The following NT5M variants were observed in gnomAD, a reference collection of about 807,000 sequenced individuals.
NT5M encodes 5'(3')-deoxyribonucleotidase, mitochondrial.
Under a neutral mutation model 22.2 loss-of-function variants are expected in NT5M, and 22 were observed. The ratio of observed to expected loss-of-function variants is 0.99; its 90% confidence interval spans 0.71 to 1.41. The LOEUF is 1.41. Ranked by LOEUF, NT5M falls within the 40% of genes most tolerant of loss-of-function variation. NT5M has a pLI of 0.00. For missense variants in NT5M, 322 were observed against 314.8 expected (o/e 1.02, Z -0.17); for synonymous variants, 167 against 133.0 (o/e 1.26, Z -1.76).
chr17:17,323,156 A>C (rs1225998294), intron 2 of NT5M, 29 bp from the exon 3 acceptor site: 1 of 1,607,484 alleles, frequency 6.2e-7, no homozygotes, highest in Admixed American at 1.7e-5. Context: ...ATGGGGCTGC[A>C]GGCTCAACCT....
intron 1 of NT5M, among the ~76,000 whole-genome samples, chr17:17,305,394 G>GCCCCCCCCCCCCCCCCCCCCCC (rs34579357): frequency 6.7e-5 from 5 of 74,098 alleles, no homozygotes; most frequent in Admixed American, 1.5e-4. Flanking sequence ...TAAAACAACC[G>GCCCCCCCCCCCCCCCCCCCCCC]CCCCCCCCCC....
rs577641355 is a variant in NT5M at position 17,340,777 on chromosome 17, G to A, written c.430-4017G>A. Reference sequence around the variant, plus strand: ...CCTGACCTTGTGATCTGCCCGCCTTGGCCTCTCAAAGTGCTGGGATTACAG... The same window carrying A: ...CCTGACCTTGTGATCTGCCCGCCTTAGCCTCTCAAAGTGCTGGGATTACAG... On this transcript the variant is annotated intron_variant, in intron 3 of 4. Coordinates refer to ENST00000389022, the MANE Select transcript of NT5M (RefSeq NM_020201.4). Among the ~76,000 whole-genome samples the A allele has an allele frequency of 2.0e-5, 3 of 152,150 alleles. 1 individual carries two copies. Among genetic ancestry groups the A allele is most frequent in the Admixed American group, 6.5e-5 (1 of 15,296 alleles).
chr17:17,342,752 C>T (rs1251487513), intron 3 of NT5M, among the ~76,000 whole-genome samples: 3 of 152,128 alleles, frequency 2.0e-5, no homozygotes, highest in East Asian at 1.9e-4. Flanking sequence ...GAGAAGATGC[C>T]GCCTTTGCAG....
intron 2 of NT5M, among the ~76,000 whole-genome samples, chr17:17,313,565 C>T (rs1597751966): frequency 1.3e-5 from 2 of 152,300 alleles, no homozygotes; most frequent in African/African-American, 4.8e-5. Flanking sequence ...GCAGCAGAGA[C>T]CAAGGCTGAT....
At chr17:17,306,720 C>A in intron 2 of NT5M, 77 bp downstream of exon 2, 1 of 965,772 alleles carries the variant, frequency 1.0e-6, no homozygotes. Flanking sequence ...CTGCTTCTTC[C>A]CTCCTCTGCC....
At chr17:17,322,818 T>G (rs2049178739) in intron 2 of NT5M, among the ~76,000 whole-genome samples, 1 of 152,236 alleles carries the variant, frequency 6.6e-6, no homozygotes, top group South Asian at 2.1e-4. Context: ...ACTCGATCAC[T>G]GCAGGGCTTA....
chr17:17,307,128 G>A (rs1041138048), intron 2 of NT5M, among the ~76,000 whole-genome samples: 5 of 152,104 alleles, frequency 3.3e-5, no homozygotes, highest in African/African-American at 1.2e-4. Flanking sequence ...AACCCGGGAG[G>A]TGGAGGTTGT....
chr17:17,341,831 C>T (rs897418914), intron 3 of NT5M, among the ~76,000 whole-genome samples: 1 of 152,168 alleles, frequency 6.6e-6, no homozygotes, highest in African/African-American at 2.4e-5. Flanking sequence ...GAGTTTGAGA[C>T]CAGCCTGGCC....
chr17:17,312,574 G>A (rs149465392), intron 2 of NT5M, among the ~76,000 whole-genome samples: 2,784 of 150,630 alleles, frequency 0.018, 74 homozygotes, highest in African/African-American at 0.064. Flanking sequence ...CACCTGGGAG[G>A]TGGAGGCTGC....
chr17:17,303,887 C>G (rs7219752), intron 1 of NT5M, 70 bp downstream of exon 1: 73,033 of 1,309,618 alleles, frequency 0.056, 3,284 homozygotes, highest in African/African-American at 0.22. Flanking sequence ...GCCCCTGCGC[C>G]GGTGACCTTG....
chr17:17,338,653 TG>T (rs2049568454), intron 3 of NT5M, among the ~76,000 whole-genome samples: 1 of 151,824 alleles, frequency 6.6e-6, no homozygotes, highest in African/African-American at 2.4e-5. Context: ...CTGGAATTTT[TG>T]TGGTTCTATG....
At chr17:17,339,526 A>G (rs2049594873) in intron 3 of NT5M, among the ~76,000 whole-genome samples, 1 of 152,154 alleles carries the variant, frequency 6.6e-6, no homozygotes, top group South Asian at 2.1e-4. Context: ...ACAGTGGTGA[A>G]AGTAGGCATT....
intron 3 of NT5M, among the ~76,000 whole-genome samples, chr17:17,342,059 A>G (rs909971197): frequency 9.2e-5 from 14 of 152,162 alleles, no homozygotes; most frequent in African/African-American, 1.4e-4. Context: ...TTAACCCCAA[A>G]TGGGTTAAAT....
At chr17:17,333,363 G>T (rs2049427781) in intron 3 of NT5M, 1 of 152,074 alleles carries the variant, frequency 6.6e-6, no homozygotes, top group Non-Finnish European at 1.5e-5. Flanking sequence ...AAGTACAGTG[G>T]CATGATCCCG....
chr17:17,320,669 C>T (rs996514871), intron 2 of NT5M, among the ~76,000 whole-genome samples: 10 of 152,052 alleles, frequency 6.6e-5, no homozygotes, highest in East Asian at 1.9e-4. Flanking sequence ...GAGGTTGGGA[C>T]GCATCAGCAT....
chr17:17,309,079 C>T (rs142678444), intron 2 of NT5M, among the ~76,000 whole-genome samples: 9 of 150,980 alleles, frequency 6.0e-5, no homozygotes, highest in African/African-American at 9.7e-5. Context: ...TATGAACATT[C>T]GTGTAAATAT....
intron 3 of NT5M, among the ~76,000 whole-genome samples, chr17:17,329,565 G>A (rs572144365): frequency 6.6e-6 from 1 of 152,292 alleles, no homozygotes; most frequent in South Asian, 2.1e-4. Flanking sequence ...GTAATCACAA[G>A]CCAAATTAAG....
intron 2 of NT5M, among the ~76,000 whole-genome samples, chr17:17,314,050 T>C (rs991194015): frequency 3.3e-5 from 5 of 151,880 alleles, no homozygotes; most frequent in African/African-American, 1.2e-4. Flanking sequence ...CTTTTTTTTT[T>C]TGAGATGGAG....
chr17:17,347,197 C>T lies in NT5M; in HGVS notation c.*250C>T. On this transcript the variant is annotated 3_prime_UTR_variant, in exon 5 of 5. Transcript: ENST00000389022. Reference sequence around the variant, plus strand: ...GTTCAGCCTGACCTCAGGCAGCAGGCACCAAGCTGCCAGAAGCCCAGGGGC... The same window carrying T: ...GTTCAGCCTGACCTCAGGCAGCAGGTACCAAGCTGCCAGAAGCCCAGGGGC... The T allele has an allele frequency of 1.9e-6, 1 of 524,116 alleles. No individual in the cohort carries two copies. Among genetic ancestry groups the T allele is most frequent in the Non-Finnish European group, 3.4e-6 (1 of 297,472 alleles). 32.5% of individuals were successfully genotyped at this position (524,116 alleles called of 1,614,324 possible).
Sources: allele counts gnomAD v4.1 joint callset (sites outside exome capture counted in the v4.1 genomes callset), GRCh38; gene constraint gnomAD v4.1.1; transcripts MANE v1.5; gene names NCBI Gene and HGNC (gene_info 2026-07-23, HGNC 2026-07-21).